Variants in CACNA1C observed in about 807,000 individuals in gnomAD.
CACNA1C encodes voltage-dependent L-type calcium channel subunit alpha-1C.
CACNA1C carries 30 observed loss-of-function variants against 229.0 expected under a neutral mutation model. That is an observed-to-expected ratio of 0.13 (90% CI 0.10 to 0.18). CACNA1C has a LOEUF of 0.18. Ranked by LOEUF, CACNA1C falls within the 10% of genes least tolerant of loss-of-function variation. The probability of loss-of-function intolerance (pLI) is 1.00; values close to 1 mark genes in which losing one functional copy is unlikely to be tolerated. For synonymous variants in CACNA1C, 1,114 were observed against 1,132.5 expected (o/e 0.98, Z 0.33); for missense variants, 1,658 against 2,845.0 (o/e 0.58, Z 9.49).
At chr12:2,367,504 CTTA>C (rs1414249189) in intron 3 of CACNA1C, among the ~76,000 whole-genome samples, 5 of 152,202 alleles carry the variant, frequency 3.3e-5, no homozygotes, top group Admixed American at 6.5e-5. Flanking sequence ...GTTAAACACT[CTTA>C]TTATTAAAAG....
chr12:2,101,872 C>T (rs1248629551), intron 1 of CACNA1C, among the ~76,000 whole-genome samples: 2 of 152,096 alleles, frequency 1.3e-5, no homozygotes, highest in African/African-American at 4.8e-5. Flanking sequence ...TCACCCTCTG[C>T]CTCTGCCCTC....
chr12:2,450,905 A>G (rs1411001323), intron 4 of CACNA1C, among the ~76,000 whole-genome samples: 2 of 152,278 alleles, frequency 1.3e-5, no homozygotes, highest in East Asian at 3.9e-4. Flanking sequence ...CCTGGTCTTT[A>G]CTGCAGGAAA....
chr12:2,470,678 T>C (rs1327053311), intron 5 of CACNA1C, among the ~76,000 whole-genome samples: 1 of 152,142 alleles, frequency 6.6e-6, no homozygotes. Flanking sequence ...GGAGTTGTTG[T>C]GAGGATTAAA....
rs2092942766 is a variant in CACNA1C at position 2,287,896 on chromosome 12, C to G, written c.478-161080C>G. ...GGAATCAGAATTTCTGAAGATGTGG[C>G]CTGGGCATCTGAATTTTTTCACATT... is the stretch of plus-strand genomic sequence containing the variant. On this transcript the variant is annotated intron_variant, in intron 3 of 46. Transcript: ENST00000399655. The surrounding 1 kb of genome is among the most constrained non-coding windows in gnomAD (Gnocchi z 4.6). 6.6e-6 allele frequency: 1 copy of G among 152,162 alleles called. No individual in the cohort carries two copies. The highest frequency in any genetic ancestry group is 1.5e-5 in the Non-Finnish European group (1 of 68,026). 9.4% of individuals were successfully genotyped at this position (152,162 alleles called of 1,614,324 possible).
chr12:2,459,912 G>A (rs1401659127), intron 5 of CACNA1C, among the ~76,000 whole-genome samples: 1 of 152,164 alleles, frequency 6.6e-6, no homozygotes, highest in African/African-American at 2.4e-5. Context: ...GAACAAGCAT[G>A]GTCCTTTCAC....
chr12:2,033,898 G>A (rs1309034649), intron 1 of CACNA1C, among the ~76,000 whole-genome samples: 1 of 152,216 alleles, frequency 6.6e-6, no homozygotes, highest in East Asian at 1.9e-4. Flanking sequence ...ACAGCTTAGT[G>A]CTGGCAGCAT....
chr12:2,622,190 A>G (rs763461587), intron 29 of CACNA1C, among the ~76,000 whole-genome samples: 2 of 152,120 alleles, frequency 1.3e-5, no homozygotes, highest in Non-Finnish European at 2.9e-5. Context: ...CAGGCCTTCT[A>G]GAAACTGAGG....
chr12:2,614,963 A>G (rs1163189877), intron 29 of CACNA1C: 2 of 147,766 alleles, frequency 1.4e-5, no homozygotes, highest in Admixed American at 1.4e-4. Context: ...TTAAATTCAT[A>G]CTCTGTTCAA....
At chr12:2,345,899 G>A (rs1467061478) in intron 3 of CACNA1C, among the ~76,000 whole-genome samples, 1 of 152,146 alleles carries the variant, frequency 6.6e-6, no homozygotes, top group Admixed American at 6.5e-5. Flanking sequence ...AAATTCCAAG[G>A]TCCAGGACTT....
At chr12:2,073,949 G>A (rs1388654896) in intron 1 of CACNA1C, among the ~76,000 whole-genome samples, 1 of 152,192 alleles carries the variant, frequency 6.6e-6, no homozygotes, top group African/African-American at 2.4e-5. Context: ...TAAGCTCCTA[G>A]GGGAAAGTGT....
At chr12:2,389,610 A>G (rs1409311391) in intron 3 of CACNA1C, among the ~76,000 whole-genome samples, 2 of 152,204 alleles carry the variant, frequency 1.3e-5, no homozygotes, top group Non-Finnish European at 2.9e-5. Flanking sequence ...TAGAGTGGCC[A>G]AGGCTTCCTG....
At chr12:2,340,633 A>T (rs951269162) in intron 3 of CACNA1C, among the ~76,000 whole-genome samples, 3 of 152,190 alleles carry the variant, frequency 2.0e-5, no homozygotes, top group Non-Finnish European at 4.4e-5. Context: ...TTGAGAGGAG[A>T]TTGATTTGAT....
chr12:2,591,357 C>T (rs2065222130), intron 18 of CACNA1C, among the ~76,000 whole-genome samples: 3 of 152,194 alleles, frequency 2.0e-5, no homozygotes, highest in African/African-American at 7.2e-5. Context: ...TCATCTTATA[C>T]AGAGTCCCCT....
intron 3 of CACNA1C, among the ~76,000 whole-genome samples, chr12:2,316,990 A>T (rs1187541414): frequency 1.3e-5 from 2 of 152,194 alleles, no homozygotes; most frequent in African/African-American, 4.8e-5. Context: ...CTTATTAAAC[A>T]AAACAAAACA....
At chr12:2,569,425 C>T (rs1309922645) in intron 13 of CACNA1C, among the ~76,000 whole-genome samples, 1 of 152,130 alleles carries the variant, frequency 6.6e-6, no homozygotes, top group East Asian at 1.9e-4. Context: ...ATTTTCATCA[C>T]CCCAGAAAGA....
chr12:2,509,865 A>G (rs891106763), intron 8 of CACNA1C, among the ~76,000 whole-genome samples: 2 of 152,224 alleles, frequency 1.3e-5, no homozygotes, highest in Non-Finnish European at 2.9e-5. Context: ...GCACATGTCC[A>G]CAGATGACTG....
intron 13 of CACNA1C, among the ~76,000 whole-genome samples, chr12:2,572,346 TCCTCCTCCTCTCCTCCTCCTTCTC>T: frequency 1.5e-5 from 2 of 136,184 alleles, no homozygotes; most frequent in African/African-American, 2.7e-5. Context: ...TTCTTCCTCC[TCCTCCTCCTCTCCTCCTCCTTCTC>T]CTCTTCCTCC....
At chr12:2,326,600 A>T (rs1458366525) in intron 3 of CACNA1C, among the ~76,000 whole-genome samples, 1 of 151,894 alleles carries the variant, frequency 6.6e-6, no homozygotes, top group Non-Finnish European at 1.5e-5. Flanking sequence ...ATCAGGCTTG[A>T]CCCCTGCCTC....
At chr12:1,998,891 AT>A (rs1331908552) in intron 1 of CACNA1C, among the ~76,000 whole-genome samples, 1 of 152,232 alleles carries the variant, frequency 6.6e-6, no homozygotes, top group Non-Finnish European at 1.5e-5. Flanking sequence ...ATTCATCACC[AT>A]AATCATTCAA....
Sources: gnomAD v4.1 joint callset for allele counts (sites outside exome capture counted in the v4.1 genomes callset) on GRCh38, gnomAD v4.1.1 for gene constraint, Gnocchi (gnomAD v3.1) non-coding constraint, MANE v1.5 for transcripts, NCBI Gene and HGNC (gene_info 2026-07-23, HGNC 2026-07-21) for gene names.